PDE1A: variants seen among roughly 807,000 people sequenced by gnomAD.
PDE1A encodes dual specificity calcium/calmodulin-dependent 3',5'-cyclic nucleotide phosphodiesterase 1A.
In PDE1A, 35 loss-of-function variants were observed where a neutral mutation model predicts 61.7. The observed-to-expected ratio is 0.57, with a 90% CI of 0.43 to 0.75. The LOEUF (loss-of-function observed/expected upper bound fraction) is 0.75. Ranked by LOEUF, PDE1A falls within the 30% of genes least tolerant of loss-of-function variation. The pLI is 0.00. For synonymous variants in PDE1A, 232 were observed against 213.2 expected (o/e 1.09, Z -0.77); for missense variants, 597 against 630.6 (o/e 0.95, Z 0.57).
chr2:182,328,135 T>C (rs1697166473), intron 1 of PDE1A, among the ~76,000 whole-genome samples: 1 of 152,150 alleles, frequency 6.6e-6, no homozygotes. Context: ...AAAGACTATA[T>C]CTAAGAGTGA....
chr2:182,468,781 C>G (rs1459863772), intron 2 of PDE1A, among the ~76,000 whole-genome samples: 1 of 151,992 alleles, frequency 6.6e-6, no homozygotes, highest in African/African-American at 2.4e-5. Context: ...CAAAATTACT[C>G]CTTGGTCCAT....
chr2:182,346,971 A>G (rs940465783), intron 1 of PDE1A, among the ~76,000 whole-genome samples: 4 of 152,164 alleles, frequency 2.6e-5, no homozygotes, highest in Non-Finnish European at 5.9e-5. Context: ...TTCATTTGGC[A>G]GCTGGTAAAG....
intron 1 of PDE1A, among the ~76,000 whole-genome samples, chr2:182,394,812 C>A (rs1291412539): frequency 6.6e-6 from 1 of 152,166 alleles, no homozygotes; most frequent in African/African-American, 2.4e-5. Flanking sequence ...GTGAGGGCTA[C>A]TATGATGGAA....
intron 2 of PDE1A, among the ~76,000 whole-genome samples, chr2:182,486,495 A>AT (rs1410947576): frequency 1.3e-5 from 2 of 152,016 alleles, no homozygotes; most frequent in Non-Finnish European, 2.9e-5. Flanking sequence ...AGCCAGAACA[A>AT]TTTTTTAAAA....
chr2:182,330,691 C>T (rs913471386), intron 1 of PDE1A, among the ~76,000 whole-genome samples: 2 of 152,246 alleles, frequency 1.3e-5, no homozygotes, highest in African/African-American at 2.4e-5. Flanking sequence ...AAAGGGGTCT[C>T]TCAAAAGGTC....
chr2:182,630,301 A>G, the PDE1A span, among the ~76,000 whole-genome samples: 1 of 152,122 alleles, frequency 6.6e-6, no homozygotes, highest in Non-Finnish European at 1.5e-5. Context: ...TCAGTGATAC[A>G]ATTTTATTTA....
the PDE1A span, among the ~76,000 whole-genome samples, chr2:182,702,252 T>G: frequency 3.3e-5 from 5 of 152,092 alleles, no homozygotes; most frequent in Non-Finnish European, 5.9e-5. Flanking sequence ...TGCAGGCATG[T>G]ACCACCACAC....
At chr2:182,264,495 A>G in intron 1 of PDE1A, 81 bp from the exon 2 acceptor site, 1 of 922,676 alleles carries the variant, frequency 1.1e-6, no homozygotes, top group South Asian at 1.7e-5. Flanking sequence ...TATTAAATAC[A>G]CTCAGTTAAG....
intron 2 of PDE1A, among the ~76,000 whole-genome samples, chr2:182,501,046 C>G (rs1242745698): frequency 2.0e-5 from 3 of 152,146 alleles, no homozygotes; most frequent in Non-Finnish European, 2.9e-5. Flanking sequence ...GAAAAAGGAA[C>G]AATTAATTGC....
rs993676975 is a variant in PDE1A at position 182,193,407 on chromosome 2, A to G, written c.1126-4347T>C. Among the ~76,000 whole-genome samples, 7 of 152,288 alleles carry G rather than the reference A, an allele frequency of 4.6e-5. No individual in the cohort carries two copies. In the East Asian group the frequency reaches 9.7e-4, roughly 21 times the overall value. On this transcript the variant is annotated intron_variant, in intron 10 of 13. Transcript: ENST00000351439. Reference sequence around the variant, plus strand: ...GAAGCAACGTCGATAACAAATATGCAGGAATCCCCTGACCACAGGGACAGG... The same window carrying G: ...GAAGCAACGTCGATAACAAATATGCGGGAATCCCCTGACCACAGGGACAGG...
chr2:182,272,748 T>C (rs1050945231), intron 1 of PDE1A, among the ~76,000 whole-genome samples: 1 of 152,110 alleles, frequency 6.6e-6, no homozygotes, highest in African/African-American at 2.4e-5. Context: ...TGATAGAATG[T>C]TTGGAAATTC....
At chr2:182,276,493 CTTACT>C (rs1427185668) in intron 1 of PDE1A, among the ~76,000 whole-genome samples, 2 of 152,050 alleles carry the variant, frequency 1.3e-5, no homozygotes, top group Non-Finnish European at 1.5e-5. Flanking sequence ...TTACGCCTGT[CTTACT>C]TTAATCTCTT....
intron 1 of PDE1A, among the ~76,000 whole-genome samples, chr2:182,299,501 A>G (rs763054706): frequency 8.1e-5 from 12 of 148,206 alleles, no homozygotes; most frequent in Non-Finnish European, 1.8e-4. Context: ...CCCACCACCA[A>G]TGACTTAAAG....
At chr2:182,536,217 T>C in the PDE1A span, among the ~76,000 whole-genome samples, 1 of 152,226 alleles carries the variant, frequency 6.6e-6, no homozygotes, top group Non-Finnish European at 1.5e-5. Flanking sequence ...GCTACAGTTT[T>C]CCAAAATGTT....
the PDE1A span, among the ~76,000 whole-genome samples, chr2:182,528,555 C>T: frequency 6.6e-6 from 1 of 152,196 alleles, no homozygotes; most frequent in Admixed American, 6.5e-5. Flanking sequence ...GAAACTCAAG[C>T]CGGCTACAGA....
At chr2:182,408,179 G>GT (rs1169708196) in intron 1 of PDE1A, among the ~76,000 whole-genome samples, 1 of 64,724 alleles carries the variant, frequency 1.5e-5, no homozygotes, top group Non-Finnish European at 3.0e-5. Flanking sequence ...AAAAGTATCT[G>GT]CCAAAAAAAA....
the PDE1A span, among the ~76,000 whole-genome samples, chr2:182,638,225 A>G: frequency 6.6e-6 from 1 of 152,202 alleles, no homozygotes; most frequent in Non-Finnish European, 1.5e-5. Context: ...AATTAGTTCA[A>G]ACTAAATAAT....
At chr2:182,512,995 G>A (rs768594462) in intron 2 of PDE1A, among the ~76,000 whole-genome samples, 3 of 152,102 alleles carry the variant, frequency 2.0e-5, no homozygotes, top group Non-Finnish European at 4.4e-5. Flanking sequence ...TGAAAGAGAG[G>A]GAGAGAGAGC....
intron 13 of PDE1A, among the ~76,000 whole-genome samples, chr2:182,180,603 A>G (rs1559145540): frequency 6.6e-6 from 1 of 151,902 alleles, no homozygotes; most frequent in Non-Finnish European, 1.5e-5. Flanking sequence ...GTGGTGTTCT[A>G]TGTATTTCCT....
Sources: gnomAD v4.1 joint callset for allele counts (sites outside exome capture counted in the v4.1 genomes callset) on GRCh38, gnomAD v4.1.1 for gene constraint, MANE v1.5 for transcripts, NCBI Gene and HGNC (gene_info 2026-07-23, HGNC 2026-07-21) for gene names.